DNTT: variants seen among roughly 807,000 people sequenced by gnomAD.
DNTT encodes the protein nucleosidetriphosphate:DNA deoxynucleotidylexotransferase.
In DNTT, 47 loss-of-function variants were observed where a neutral mutation model predicts 60.9. The observed-to-expected ratio is 0.77, with a 90% confidence interval of 0.61 to 0.98. DNTT has a LOEUF of 0.98. Ranked by LOEUF, DNTT falls within the 50% of genes least tolerant of loss-of-function variation. DNTT has a pLI of 0.00. For missense variants in DNTT, 665 were observed against 627.5 expected (o/e 1.06, Z -0.64); for synonymous variants, 224 against 221.2 (o/e 1.01, Z -0.11).
intron 1 of DNTT, chr10:96,306,695 C>T (rs969409511): frequency 1.3e-5 from 2 of 152,224 alleles, no homozygotes; most frequent in African/African-American, 4.8e-5. Flanking sequence ...TGCCAGGGAC[C>T]AAGCCCAGCT....
intron 8 of DNTT, 129 bp from the exon 9 acceptor site, chr10:96,332,222 C>T: frequency 1.5e-6 from 2 of 1,369,890 alleles, no homozygotes; most frequent in Non-Finnish European, 2.0e-6. Context: ...GCAGGTGGGC[C>T]TTTAATGCAA....
chr10:96,313,440 TAAAG>T (rs1158519281), intron 1 of DNTT, among the ~76,000 whole-genome samples: 3 of 151,906 alleles, frequency 2.0e-5, no homozygotes, highest in Admixed American at 2.0e-4. Flanking sequence ...AATGAGAAAA[TAAAG>T]AAAAACATTT....
Position 96,332,578 on chromosome 10 carries a change from G to A in DNTT, c.1341G>A (p.Leu447=), listed in dbSNP as rs369470027. 1 of 1,612,668 alleles carries A rather than the reference G, an allele frequency of 6.2e-7. No homozygotes were observed. Among genetic ancestry groups the A allele is most frequent in the Non-Finnish European group, 8.5e-7 (1 of 1,179,510 alleles). Residue 447 remains leucine, a synonymous_variant, in exon 9 of 11, where the codon TTG becomes TTA. Transcript: ENST00000371174. The part of the protein sequence containing the change: ...CPYERRAFAL[L]GWTGSRQFER... ...ACGAGCGTCGTGCCTTTGCCCTGTT[G>A]GGATGGACTGGCTCCCGGGTAAGTG...
chr10:96,305,765 A>AT (rs1284436933), intron 1 of DNTT, among the ~76,000 whole-genome samples: 12 of 152,154 alleles, frequency 7.9e-5, no homozygotes, highest in Non-Finnish European at 5.9e-5. Flanking sequence ...TCAAAAGTCA[A>AT]TTTTCAGATA....
rs1209367851 is a variant in DNTT at position 96,318,351 on chromosome 10, G to A, written c.204-1G>A. The A allele has an allele frequency of 4.4e-6, 7 of 1,607,936 alleles. No homozygotes were observed. The highest frequency in any genetic ancestry group is 6.0e-6 in the Non-Finnish European group (7 of 1,176,252). On this transcript the variant is annotated splice_acceptor_variant, in intron 1 of 10. Transcript: ENST00000371174. LOFTEE classifies it high-confidence loss of function. ...TGGTAACTCTGTCTTGCATTTTGCAGTGATTCTGTCACCCACATCGTAGCA... is the reference window on the plus strand; with the variant it reads ...TGGTAACTCTGTCTTGCATTTTGCAATGATTCTGTCACCCACATCGTAGCA...
intron 1 of DNTT, among the ~76,000 whole-genome samples, chr10:96,317,997 C>T (rs1410960254): frequency 1.3e-5 from 2 of 152,182 alleles, no homozygotes; most frequent in South Asian, 2.1e-4. Context: ...TTATTAAAGT[C>T]CTCCACTAGT....
At chr10:96,309,987 G>T (rs1006688642) in intron 1 of DNTT, among the ~76,000 whole-genome samples, 1 of 152,156 alleles carries the variant, frequency 6.6e-6, no homozygotes. Flanking sequence ...CTTCAAAGAG[G>T]TAACTCCGAC....
intron 9 of DNTT, among the ~76,000 whole-genome samples, chr10:96,334,471 T>G (rs559467387): frequency 6.6e-6 from 1 of 152,314 alleles, no homozygotes; most frequent in South Asian, 2.1e-4. Flanking sequence ...TCACCCTGTT[T>G]CTCCTGTTTT....
At chr10:96,324,748 T>G (rs1385738421) in intron 6 of DNTT, among the ~76,000 whole-genome samples, 1 of 152,230 alleles carries the variant, frequency 6.6e-6, no homozygotes, top group Admixed American at 6.5e-5. Flanking sequence ...CAGGTTGTGC[T>G]GCTGATCTGG....
intron 8 of DNTT, among the ~76,000 whole-genome samples, chr10:96,331,558 G>A (rs1246874086): frequency 2.6e-5 from 4 of 152,052 alleles, no homozygotes; most frequent in Non-Finnish European, 4.4e-5. Flanking sequence ...CAGCTTTCAC[G>A]GGAGCTAACA....
At chr10:96,320,904 T>C in intron 4 of DNTT, 116 bp downstream of exon 4, 1 of 1,286,792 alleles carries the variant, frequency 7.8e-7, no homozygotes, top group Admixed American at 2.5e-5. Context: ...ACATCACAAA[T>C]TTTCCTTTAT....
At chr10:96,308,208 A>G (rs1381051161) in intron 1 of DNTT, among the ~76,000 whole-genome samples, 1 of 152,186 alleles carries the variant, frequency 6.6e-6, no homozygotes, top group Non-Finnish European at 1.5e-5. Flanking sequence ...ACAAATTAGA[A>G]ATGGTGTACC....
At position 96,318,467 on chromosome 10, in the gene DNTT, C is replaced by A; in HGVS notation, c.319C>A (p.Leu107Met). ...SQPELLDVSW[L>M]IECIRAGKPV... ...ACCAGAGCTCCTCGATGTCTCCTGGCTGATCGAATGCATAAGAGCAGGGAA... is the reference window on the plus strand; with the variant it reads ...ACCAGAGCTCCTCGATGTCTCCTGGATGATCGAATGCATAAGAGCAGGGAA... The change falls in exon 2 of 11, where the codon CTG (leucine) becomes ATG (methionine). Residue 107 changes from leucine (L) to methionine (M), a missense_variant. Physicochemically the swap from Leu to Met is conservative, Grantham distance 15. Transcript: ENST00000371174. 6.2e-7 allele frequency: 1 copy of A among 1,613,922 alleles called. No homozygotes were observed. Among genetic ancestry groups the A allele is most frequent in the Middle Eastern group, 1.7e-4 (1 of 6,058 alleles).
At chr10:96,304,787 A>G in intron 1 of DNTT, 87 bp downstream of exon 1, 3 of 1,437,072 alleles carry the variant, frequency 2.1e-6, no homozygotes, top group Non-Finnish European at 2.8e-6. Flanking sequence ...GTTTTCTTCC[A>G]CATGTGGAAG....
chr10:96,322,626 T>C, intron 4 of DNTT, 31 bp from the exon 5 acceptor site: 2 of 1,550,200 alleles, frequency 1.3e-6, no homozygotes, highest in Non-Finnish European at 1.8e-6. Context: ...CCAACATCAC[T>C]AATTTAAAAT....
Position 96,318,365 on chromosome 10 carries a change from C to T in DNTT, c.217C>T (p.His73Tyr). The change falls in exon 2 of 11, where the codon CAC (histidine) becomes TAC (tyrosine). Residue 73 changes from histidine to tyrosine, a missense_variant. Transcript: ENST00000371174. ...VENELSDSVT[H>Y]IVAENNSGSD... is the part of the protein sequence containing the mutation. ...TGCATTTTGCAGTGATTCTGTCACC[C>T]ACATCGTAGCAGAGAACAACTCGGG... 1.2e-6 allele frequency: 2 copies of T among 1,610,818 alleles called. No homozygotes were observed. The highest frequency in any genetic ancestry group is 1.1e-5 in the South Asian group (1 of 90,500).
chr10:96,327,634 C>T (rs754247409), intron 7 of DNTT, 34 bp downstream of exon 7: 6 of 1,592,108 alleles, frequency 3.8e-6, no homozygotes, highest in Non-Finnish European at 4.3e-6. Flanking sequence ...CTCCTCTGCC[C>T]GAATACTTCA....
At chr10:96,327,044 C>G (rs140648711) in intron 6 of DNTT, among the ~76,000 whole-genome samples, 25 of 152,314 alleles carry the variant, frequency 1.6e-4, no homozygotes, top group Middle Eastern at 3.4e-3. Context: ...CACATCTACT[C>G]TGCTCCTATT....
At chr10:96,315,635 G>A (rs1844777289) in intron 1 of DNTT, among the ~76,000 whole-genome samples, 1 of 151,870 alleles carries the variant, frequency 6.6e-6, no homozygotes, top group Non-Finnish European at 1.5e-5. Flanking sequence ...TAGGGGGAGT[G>A]GTAAGAGTGT....
Sources: allele counts gnomAD v4.1 joint callset (sites outside exome capture counted in the v4.1 genomes callset), GRCh38; gene constraint gnomAD v4.1.1; transcripts MANE v1.5; gene names NCBI Gene and HGNC (gene_info 2026-07-23, HGNC 2026-07-21).